Variants in PRKCE observed in about 807,000 individuals in gnomAD.
PRKCE encodes the protein protein kinase C epsilon type.
In PRKCE, 16 loss-of-function variants were observed where a neutral mutation model predicts 85.4. That is an observed-to-expected ratio of 0.19 (90% CI 0.13 to 0.28). PRKCE has a LOEUF of 0.28. PRKCE is among the 10% of genes least tolerant of loss of function. The pLI, the probability that PRKCE is intolerant of heterozygous loss-of-function variation, is 1.00. For synonymous variants in PRKCE, 388 were observed against 371.5 expected, an observed-to-expected ratio of 1.04 and a Z score of -0.51; for missense variants, 573 against 975.2, an observed-to-expected ratio of 0.59 and a Z score of 5.49.
At chr2:45,952,146 A>G (rs1208278347) in intron 2 of PRKCE, among the ~76,000 whole-genome samples, 2 of 152,208 alleles carry the variant, frequency 1.3e-5, no homozygotes, top group Admixed American at 6.5e-5. Flanking sequence ...TCAGACTCTT[A>G]AAAGAGCCTG....
rs536873666 is a variant in PRKCE, at chr2:45,830,814, T to C, written c.349-12186T>C. ...AAGAAAGTTCTGATAGATTATGATC[T>C]TTTTAAAACCTAGAATTCTATATCC... On this transcript the variant is annotated intron_variant, in intron 1 of 14. Transcript: ENST00000306156. Among the ~76,000 whole-genome samples the C allele has an allele frequency of 5.9e-5, 9 of 152,380 alleles. No homozygotes were observed. In the South Asian group the frequency reaches 1.9e-3, roughly 32 times the overall value.
intron 2 of PRKCE, among the ~76,000 whole-genome samples, chr2:45,942,665 TG>T (rs1212143864): frequency 1.3e-5 from 2 of 152,226 alleles, no homozygotes; most frequent in African/African-American, 4.8e-5. Flanking sequence ...CTCTCTTTCC[TG>T]TGCTTTGTTG....
chr2:45,928,687 G>T (rs983402621), intron 2 of PRKCE, among the ~76,000 whole-genome samples: 2 of 152,158 alleles, frequency 1.3e-5, no homozygotes, highest in African/African-American at 4.8e-5. Context: ...TGCTAGAATG[G>T]CAAGAATCGA....
intron 14 of PRKCE, among the ~76,000 whole-genome samples, chr2:46,176,018 G>C (rs1191832335): frequency 2.0e-5 from 3 of 152,076 alleles, no homozygotes; most frequent in African/African-American, 7.2e-5. Flanking sequence ...TCAGGTCTAG[G>C]ATGACTCTCA....
At chr2:45,825,331 G>A (rs6719681) in intron 1 of PRKCE, among the ~76,000 whole-genome samples, 96,345 of 152,120 alleles carry the variant, frequency 0.63, 31,905 homozygotes, top group African/African-American at 0.83. Flanking sequence ...GGGCCCTGCT[G>A]CAGCCCCCAC....
intron 1 of PRKCE, among the ~76,000 whole-genome samples, chr2:45,797,945 G>A (rs1372092457): frequency 6.6e-6 from 1 of 152,184 alleles, no homozygotes. Context: ...CAGGCGCTGG[G>A]CTTACTGAGT....
intron 1 of PRKCE, among the ~76,000 whole-genome samples, chr2:45,690,094 G>A (rs191572043): frequency 6.3e-4 from 96 of 152,132 alleles, no homozygotes; most frequent in Middle Eastern, 3.4e-3. Context: ...TACCAATTTT[G>A]GAAATTGTTA....
intron 1 of PRKCE, among the ~76,000 whole-genome samples, chr2:45,820,871 G>A (rs1353617536): frequency 6.6e-6 from 1 of 152,070 alleles, no homozygotes; most frequent in Non-Finnish European, 1.5e-5. Context: ...AAGACACCTG[G>A]CCTTCTGTCT....
At chr2:46,040,334 C>A (rs886414179) in intron 10 of PRKCE, among the ~76,000 whole-genome samples, 1 of 152,142 alleles carries the variant, frequency 6.6e-6, no homozygotes, top group African/African-American at 2.4e-5. Context: ...GGGTGAACAG[C>A]AATTAGACCG....
At chr2:46,014,965 A>C (rs1706002168) in intron 10 of PRKCE, among the ~76,000 whole-genome samples, 1 of 152,262 alleles carries the variant, frequency 6.6e-6, no homozygotes, top group African/African-American at 2.4e-5. Context: ...TGGCTAAACC[A>C]GAGCAAAGAA....
intron 11 of PRKCE, among the ~76,000 whole-genome samples, chr2:46,119,315 T>C (rs558849336): frequency 1.1e-4 from 16 of 152,288 alleles, no homozygotes; most frequent in East Asian, 5.8e-4. Context: ...TGTTTTTTTT[T>C]CCCTTTCCTA....
At chr2:45,781,464 C>T (rs986738258) in intron 1 of PRKCE, among the ~76,000 whole-genome samples, 2 of 152,142 alleles carry the variant, frequency 1.3e-5, no homozygotes, top group African/African-American at 2.4e-5. Context: ...ATTAGTCTCC[C>T]CTCCCCCTAC....
At chr2:45,924,103 C>T (rs1258722548) in intron 2 of PRKCE, among the ~76,000 whole-genome samples, 3 of 152,154 alleles carry the variant, frequency 2.0e-5, no homozygotes, top group Non-Finnish European at 4.4e-5. Flanking sequence ...TGGACCCAAC[C>T]CCTTTTCCCA....
At position 46,055,241 on chromosome 2, in the gene PRKCE, C is replaced by T. The variant is rs182431176; in HGVS notation, c.1438-30967C>T. ...ACAGCCACCACCTTAGATGCTGCCA[C>T]GGGGCCCTCACAGAGATTTGCTCCT... On this transcript the variant is annotated intron_variant, in intron 10 of 14. Transcript: ENST00000306156. Among the ~76,000 whole-genome samples, 48 of 152,324 alleles carry T rather than the reference C, an allele frequency of 3.2e-4. 1 individual carries two copies. In the East Asian group the frequency reaches 7.3e-3, roughly 23 times the overall value.
At chr2:45,690,493 A>G (rs747192809) in intron 1 of PRKCE, among the ~76,000 whole-genome samples, 2 of 152,222 alleles carry the variant, frequency 1.3e-5, no homozygotes, top group East Asian at 1.9e-4. Flanking sequence ...TGCATTGTCA[A>G]TTTTACCCGT....
At chr2:46,093,403 GT>G (rs34795658) in intron 11 of PRKCE, among the ~76,000 whole-genome samples, 75,016 of 146,026 alleles carry the variant, frequency 0.51, 21,115 homozygotes, top group East Asian at 0.82. Context: ...TAAAAAAGCA[GT>G]TTTTTTTTTT....
intron 2 of PRKCE, among the ~76,000 whole-genome samples, chr2:45,937,528 C>T (rs553171088): frequency 1.3e-3 from 202 of 152,176 alleles, no homozygotes; most frequent in Non-Finnish European, 1.9e-3. Flanking sequence ...CTGGCTAATA[C>T]GGTGAAACCC....
Position 45,651,793 on chromosome 2 carries a change from C to T in PRKCE, c.-308C>T. 4.1e-6 allele frequency: 1 copy of T among 243,640 alleles called. No homozygotes were observed. Among genetic ancestry groups the T allele is most frequent in the Non-Finnish European group, 7.9e-6 (1 of 126,072 alleles). 15.1% of individuals were successfully genotyped at this position (243,640 alleles called of 1,614,324 possible). A position where few individuals can be genotyped will look rare whatever the true frequency, so the allele number is the denominator to read the frequency against. Reference sequence around the variant, plus strand: ...GCGAGGCAGCCCCCGCGGCTTGCAGCGGAGCCGACAGCTCGTCTTCTCTTC... The same window carrying T: ...GCGAGGCAGCCCCCGCGGCTTGCAGTGGAGCCGACAGCTCGTCTTCTCTTC... On this transcript the variant is annotated 5_prime_UTR_variant, in exon 1 of 15. Coordinates refer to ENST00000306156, the MANE Select transcript of PRKCE (RefSeq NM_005400.3).
At chr2:45,765,713 C>A (rs1684859296) in intron 1 of PRKCE, among the ~76,000 whole-genome samples, 1 of 152,140 alleles carries the variant, frequency 6.6e-6, no homozygotes, top group Non-Finnish European at 1.5e-5. Flanking sequence ...ACTGTTGACC[C>A]CCACGTCCTA....
Sources: allele counts gnomAD v4.1 joint callset (sites outside exome capture counted in the v4.1 genomes callset), GRCh38; gene constraint gnomAD v4.1.1; transcripts MANE v1.5; gene names NCBI Gene and HGNC (gene_info 2026-07-23, HGNC 2026-07-21).